HDAC7: variants seen among roughly 807,000 people sequenced by gnomAD.
HDAC7 encodes histone deacetylase 7A.
Under a neutral mutation model 115.5 loss-of-function variants are expected in HDAC7, and 26 were observed. That is an observed-to-expected ratio of 0.23 (90% CI 0.16 to 0.31). HDAC7 has a LOEUF of 0.31. HDAC7 is among the 10% of genes least tolerant of loss of function. The pLI is 1.00. For missense variants in HDAC7, 1,068 were observed against 1,329.0 expected (o/e 0.80, Z 3.05); for synonymous variants, 564 against 550.9 (o/e 1.02, Z -0.33).
Position 47,806,853 on chromosome 12 carries a change from C to T in HDAC7, c.20-4579G>A, listed in dbSNP as rs143115200. On this transcript the variant is annotated intron_variant, in intron 1 of 25. Coordinates refer to ENST00000080059, the MANE Select transcript of HDAC7 (RefSeq NM_015401.5). Reference sequence around the variant, plus strand: ...TCTGCAGCCTCCTTCCTGGCATTAGCGTTTCAGTGTCTGCTCCCAACTCTC... The same window carrying T: ...TCTGCAGCCTCCTTCCTGGCATTAGTGTTTCAGTGTCTGCTCCCAACTCTC... Among the ~76,000 whole-genome samples the T allele has an allele frequency of 1.4e-4, 22 of 151,826 alleles. No homozygotes were observed. In the East Asian group the frequency reaches 3.7e-3, roughly 25 times the overall value.
intron 1 of HDAC7, among the ~76,000 whole-genome samples, chr12:47,812,556 A>G (rs1944712049): frequency 6.6e-6 from 1 of 152,234 alleles, no homozygotes; most frequent in Non-Finnish European, 1.5e-5. Flanking sequence ...AAGTGGAGGC[A>G]CAGAGCAAAA....
chr12:47,783,513 G>T lies in HDAC7; in HGVS notation c.*328C>A. 2.7e-6 allele frequency: 1 copy of T among 366,812 alleles called. No individual in the cohort carries two copies. 22.7% of individuals were successfully genotyped at this position (366,812 alleles called of 1,614,324 possible). On this transcript the variant is annotated 3_prime_UTR_variant, in exon 26 of 26. Transcript: ENST00000080059. ...AGGAATAGTGGTTAAGGGTGAGCCC[G>T]ACGGAGCCGGAGCCAGTCCTCCTCT...
Position 47,802,264 on chromosome 12 carries a change from C to T in HDAC7, c.30G>A (p.Gln10=), listed in dbSNP as rs772067127. The change falls in exon 2 of 26, where the codon CAG becomes CAA. Residue 10 remains glutamine, a synonymous_variant. Coordinates refer to ENST00000080059, the MANE Select transcript of HDAC7 (RefSeq NM_015401.5). MHSPGADGT[Q]VSPGAHYCSP... is the part of the protein sequence containing the mutation. Reference sequence around the variant, plus strand: ...TGCAGTAGTGGGCACCCGGGCTCACCTGGGTCCCATCTGTAGAGAGAGAGA... The same window carrying T: ...TGCAGTAGTGGGCACCCGGGCTCACTTGGGTCCCATCTGTAGAGAGAGAGA... 6.2e-7 allele frequency: 1 copy of T among 1,614,056 alleles called. No homozygotes were observed. Among genetic ancestry groups the T allele is most frequent in the Non-Finnish European group, 8.5e-7 (1 of 1,179,994 alleles).
chr12:47,797,318 C>G lies in HDAC7; in HGVS notation c.577+66G>C. ...CCAGCCCGCCCACCCCTGCACACTC[C>G]TCCCCCATGTCCGAGGCCCTTCCCC... On this transcript the variant is annotated intron_variant, in intron 6 of 25. Coordinates refer to ENST00000080059, the MANE Select transcript of HDAC7 (RefSeq NM_015401.5). This position sits in a 1 kb window ranked among gnomAD's most constrained non-coding sequence, Gnocchi z 5.5. 6.9e-7 allele frequency: 1 copy of G among 1,450,822 alleles called. No homozygotes were observed. Among genetic ancestry groups the G allele is most frequent in the Non-Finnish European group, 9.7e-7 (1 of 1,033,398 alleles). The allele number at this position is 1,450,822 out of a possible 1,614,324, so 89.9% of individuals were successfully genotyped here.
At chr12:47,805,037 A>G (rs180709395) in intron 1 of HDAC7, among the ~76,000 whole-genome samples, 225 of 150,410 alleles carry the variant, frequency 1.5e-3, no homozygotes, top group African/African-American at 5.2e-3. Flanking sequence ...GCCACCTAGA[A>G]CGCCCCCCTC....
In HDAC7 at chr12:47,795,597, C is replaced by T. The variant is rs531759281; in HGVS notation, c.1077G>A (p.Pro359=). The T allele has an allele frequency of 4.5e-6, 7 of 1,560,602 alleles. No homozygotes were observed. Among genetic ancestry groups the T allele is most frequent in the East Asian group, 2.4e-5 (1 of 41,554 alleles). ...AAGCAGCAGACTCACCAGTCAGCAG[C>T]GGGGCATGAGAGCCTGAGGGGTCCA... The part of the protein sequence containing the change: ...LLLDPSGSHA[P]LLTVPGLGPL... Residue 359 remains proline (P), a synonymous_variant, in exon 10 of 26, where the codon CCG becomes CCA. Transcript: ENST00000080059. The surrounding 1 kb of genome is among the most constrained non-coding windows in gnomAD (Gnocchi z 4.3).
rs368229933 is a variant in HDAC7, at chr12:47,798,764, T to G, written c.258+21A>C. The G allele has an allele frequency of 1.1e-5, 17 of 1,554,754 alleles. No individual in the cohort carries two copies. Among genetic ancestry groups the G allele is most frequent in the Admixed American group, 2.0e-5 (1 of 51,230 alleles). On this transcript the variant is annotated intron_variant, in intron 3 of 25. Transcript: ENST00000080059. The surrounding 1 kb of genome is among the most constrained non-coding windows in gnomAD (Gnocchi z 4.3). ...GGACCAAGCTCAAGGTGGCCCCACA[T>G]GCAGGGAGCTCCATCTTTACCCTCA...
Position 47,786,852 on chromosome 12 carries a change from C to T in HDAC7, c.2454-149G>A, listed in dbSNP as rs11168237. 2.1e-3 allele frequency: 1,323 copies of T among 640,742 alleles called. 17 individuals carry two copies. The African/African-American group carries it at 0.021, about 10-fold the overall frequency. The allele number at this position is 640,742 out of a possible 1,614,324, so 39.7% of individuals were successfully genotyped here. ...GGCAGATTTCTCTGACCTCCTTGAC[C>T]TTGGCTGGCCACCCATGTCCCTGGC... On this transcript the variant is annotated intron_variant, in intron 21 of 25. Transcript: ENST00000080059.
chr12:47,788,647 C>T (rs1475719792), intron 19 of HDAC7: 1 of 154,172 alleles, frequency 6.5e-6, no homozygotes, highest in Non-Finnish European at 1.4e-5. Context: ...TGCGGGAACT[C>T]AAGTGTGCAA....
intron 1 of HDAC7, among the ~76,000 whole-genome samples, chr12:47,805,551 C>T (rs1280038300): frequency 6.6e-6 from 1 of 152,198 alleles, no homozygotes; most frequent in African/African-American, 2.4e-5. Flanking sequence ...GCTTGAGTCT[C>T]CATGGGGCTG....
At chr12:47,812,994 G>T (rs970798050) in intron 1 of HDAC7, 1 of 152,260 alleles carries the variant, frequency 6.6e-6, no homozygotes, top group African/African-American at 2.4e-5. Context: ...TGGGGGTGGG[G>T]TGCTGCGCCA....
intron 1 of HDAC7, among the ~76,000 whole-genome samples, chr12:47,804,301 G>A (rs1200030111): frequency 6.6e-6 from 1 of 152,168 alleles, no homozygotes; most frequent in Non-Finnish European, 1.5e-5. Context: ...CCCGTGCTGA[G>A]GGCCATCAAG....
chr12:47,785,440 T>C lies in HDAC7; in HGVS notation c.2738A>G (p.Gln913Arg). 1 of 1,613,322 alleles carries C rather than the reference T, an allele frequency of 6.2e-7. No homozygotes were observed. Among genetic ancestry groups the C allele is most frequent in the Non-Finnish European group, 8.5e-7 (1 of 1,179,664 alleles). Residue 913 changes from glutamine to arginine, a missense_variant, in exon 24 of 26, where the codon CAG (glutamine) becomes CGG (arginine). Physicochemically the swap from Gln to Arg is conservative, Grantham distance 43. Around this residue, in one of 6 missense-constraint regions of HDAC7, gnomAD observed 98 missense variants for 123.9 expected, o/e 0.79. Transcript: ENST00000080059. The part of the protein sequence containing the change: ...VDPLSEEGWK[Q>R]KPNLNAIRSL... ...GCGGATGGCATTGAGGTTGGGTTTCTGTTTCCAGCCTTCTTCTGAAAGGGG... is the reference window on the plus strand; with the variant it reads ...GCGGATGGCATTGAGGTTGGGTTTCCGTTTCCAGCCTTCTTCTGAAAGGGG...
intron 1 of HDAC7, among the ~76,000 whole-genome samples, chr12:47,810,311 G>C (rs183714306): frequency 1.3e-5 from 2 of 152,304 alleles, no homozygotes; most frequent in East Asian, 3.9e-4. Context: ...TCAGAAACTT[G>C]CTGAGGTCAC....
At chr12:47,811,023 T>TGGA (rs1944641157) in intron 1 of HDAC7, among the ~76,000 whole-genome samples, 3 of 151,730 alleles carry the variant, frequency 2.0e-5, no homozygotes, top group Admixed American at 1.3e-4. Context: ...GAAGCCACAA[T>TGGA]GGAGACCCTG....
In HDAC7 at chr12:47,793,432, C is replaced by T; in HGVS notation, c.1615G>A (p.Ala539Thr). The change falls in exon 13 of 26, where the codon GCC becomes ACC. Residue 539 changes from alanine to threonine, a missense_variant. Coordinates refer to ENST00000080059, the MANE Select transcript of HDAC7 (RefSeq NM_015401.5). This position sits in a 1 kb window ranked among gnomAD's most constrained non-coding sequence, Gnocchi z 4.5. ...APASLSAPEP[A>T]SQARVLSSSE... ...CTGGAGAGGACTCGGGCCTGGCTGG[C>T]AGGCTCTGGGGCTGACAGTGAGGCA... is the stretch of plus-strand genomic sequence containing the variant. 1 of 1,557,810 alleles carries T rather than the reference C, an allele frequency of 6.4e-7. No homozygotes were observed. The highest frequency in any genetic ancestry group is 8.7e-7 in the Non-Finnish European group (1 of 1,151,146).
intron 1 of HDAC7, among the ~76,000 whole-genome samples, chr12:47,816,198 CT>C (rs1463566894): frequency 5.3e-5 from 8 of 151,952 alleles, no homozygotes; most frequent in African/African-American, 9.7e-5. Flanking sequence ...GGCCCAGGAT[CT>C]TTATCTTTAA....
intron 19 of HDAC7, chr12:47,788,391 G>A: frequency 2.6e-6 from 1 of 391,414 alleles, no homozygotes; most frequent in East Asian, 4.3e-5. Flanking sequence ...ATGAGATCCT[G>A]AAGGAGAGGA....
chr12:47,798,946 G>C lies in HDAC7; in HGVS notation c.97C>G (p.Pro33Ala), dbSNP rs538272411. Residue 33 changes from proline to alanine, a missense_variant, in exon 3 of 26, where the codon CCA (proline) becomes GCA (alanine). Pro to Ala is a conservative substitution (Grantham distance 27). Coordinates refer to ENST00000080059, the MANE Select transcript of HDAC7 (RefSeq NM_015401.5). This position sits in a 1 kb window ranked among gnomAD's most constrained non-coding sequence, Gnocchi z 4.3. The part of the protein sequence containing the change: ...AGCPRPCADT[P>A]GPQPQPMDLR... ...TCCATGGGCTGCGGCTGAGGGCCTG[G>C]TGTGTCTGCACAGGGCCTGGGGCAG... 1.3e-4 allele frequency: 191 copies of C among 1,521,834 alleles called. No homozygotes were observed. Among genetic ancestry groups the C allele is most frequent in the Non-Finnish European group, 1.6e-4 (186 of 1,139,470 alleles). 94.3% of individuals were successfully genotyped at this position (1,521,834 alleles called of 1,614,324 possible).
Sources: gnomAD v4.1 joint callset for allele counts (sites outside exome capture counted in the v4.1 genomes callset) on GRCh38, gnomAD v4.1.1 for gene constraint, gnomAD v4.1.1 regional missense constraint, Gnocchi (gnomAD v3.1) non-coding constraint, MANE v1.5 for transcripts, NCBI Gene and HGNC (gene_info 2026-07-23, HGNC 2026-07-21) for gene names.